TDRD12: variants seen among roughly 807,000 people sequenced by gnomAD.
The protein encoded by TDRD12 is putative ATP-dependent RNA helicase TDRD12.
Under a neutral mutation model 133.5 loss-of-function variants are expected in TDRD12, and 158 were observed. That is an observed-to-expected ratio of 1.18 (90% CI 1.04 to 1.35). The LOEUF is 1.35. TDRD12 is among the 40% of genes most tolerant of loss of function. The pLI, the probability that TDRD12 is intolerant of heterozygous loss-of-function variation, is 0.00. For missense variants in TDRD12, 1,443 were observed against 1,321.3 expected (o/e 1.09, Z -1.43); for synonymous variants, 460 against 477.9 (o/e 0.96, Z 0.49).
At chr19:32,808,090 G>A (rs1221435344) in intron 22 of TDRD12, among the ~76,000 whole-genome samples, 3 of 152,128 alleles carry the variant, frequency 2.0e-5, no homozygotes, top group Admixed American at 2.0e-4. Flanking sequence ...TAATGATACA[G>A]TGATTACATG....
rs147869213 is a variant in TDRD12, at chr19:32,783,306, C to G, written c.1121+6077C>G. Among the ~76,000 whole-genome samples the G allele has an allele frequency of 7.2e-3, 1,097 of 152,252 alleles. 18 individuals carry two copies. Among genetic ancestry groups the G allele is most frequent in the Non-Finnish European group, 6.9e-3 (470 of 68,010 alleles). ...TGGCGTTATTTCTGAGGCCTGTGTT[C>G]TGTTCCATTGGTCTATATATCTGTT... On this transcript the variant is annotated intron_variant, in intron 11 of 27. Coordinates refer to ENST00000444215, the Ensembl canonical transcript of TDRD12.
Position 32,794,613 on chromosome 19 carries a change from G to A in TDRD12, c.1288-15G>A. On this transcript the variant is annotated splice_polypyrimidine_tract_variant and intron_variant, in intron 13 of 27. Transcript: ENST00000444215. Reference sequence around the variant, plus strand: ...CTCTACCTTATTTTGGTTTCTGGTTGTTTCTGTTTTGTAGGCTCTTCAAAG... The same window carrying A: ...CTCTACCTTATTTTGGTTTCTGGTTATTTCTGTTTTGTAGGCTCTTCAAAG... 4.3e-6 allele frequency: 3 copies of A among 698,690 alleles called. No individual in the cohort carries two copies. Among genetic ancestry groups the A allele is most frequent in the Non-Finnish European group, 7.8e-6 (3 of 382,708 alleles). The allele number at this position is 698,690 out of a possible 1,614,324, so 43.3% of individuals were successfully genotyped here. A position where few individuals can be genotyped will look rare whatever the true frequency, so the allele number is the denominator to read the frequency against.
At chr19:32,729,286 C>T (rs1367976735) in intron 1 of TDRD12, among the ~76,000 whole-genome samples, 1 of 144,302 alleles carries the variant, frequency 6.9e-6, no homozygotes, top group Non-Finnish European at 1.5e-5. Flanking sequence ...GGCGCAATCT[C>T]GGCTCACTGC....
intron 10 of TDRD12, among the ~76,000 whole-genome samples, chr19:32,774,108 T>C (rs1418342038): frequency 6.6e-6 from 1 of 152,236 alleles, no homozygotes; most frequent in East Asian, 1.9e-4. Context: ...TCAAGATACA[T>C]GTCAGTGACG....
chr19:32,755,002 T>C (rs1322469078), intron 6 of TDRD12, among the ~76,000 whole-genome samples: 1 of 152,218 alleles, frequency 6.6e-6, no homozygotes, highest in East Asian at 1.9e-4. Flanking sequence ...AGCAATCCTT[T>C]ACCAGCTCCC....
intron 3 of TDRD12, among the ~76,000 whole-genome samples, chr19:32,742,307 C>G (rs1220401852): frequency 6.6e-6 from 1 of 152,036 alleles, no homozygotes; most frequent in East Asian, 1.9e-4. Context: ...TAGGAGTGCA[C>G]CACCACGCCC....
chr19:32,763,439 G>T (rs1970206932), intron 8 of TDRD12, among the ~76,000 whole-genome samples: 1 of 152,100 alleles, frequency 6.6e-6, no homozygotes, highest in African/African-American at 2.4e-5. Flanking sequence ...GGACTGAGTT[G>T]TGTTATTTTC....
intron 8 of TDRD12, among the ~76,000 whole-genome samples, chr19:32,771,930 A>G (rs943042024): frequency 1.3e-5 from 2 of 152,138 alleles, no homozygotes; most frequent in African/African-American, 4.8e-5. Flanking sequence ...TGTTCCTTTT[A>G]TTAATAGTAG....
At chr19:32,820,548 G>GT (rs1967343802) in intron 27 of TDRD12, among the ~76,000 whole-genome samples, 2 of 152,204 alleles carry the variant, frequency 1.3e-5, no homozygotes. Context: ...GTTGAATTTA[G>GT]TACGTTCCCA....
intron 26 of TDRD12, among the ~76,000 whole-genome samples, chr19:32,816,574 G>T (rs1967188624): frequency 6.6e-6 from 1 of 152,268 alleles, no homozygotes; most frequent in African/African-American, 2.4e-5. Flanking sequence ...GGTACTTCAG[G>T]TAATGGCGCT....
At chr19:32,752,716 CTT>C (rs1485563570) in intron 6 of TDRD12, among the ~76,000 whole-genome samples, 1 of 151,458 alleles carries the variant, frequency 6.6e-6, no homozygotes, top group Non-Finnish European at 1.5e-5. Context: ...CTTGAACACT[CTT>C]TACTCTCTGA....
At chr19:32,822,363 C>T (rs1410832258), downstream of TDRD12, among the ~76,000 whole-genome samples, 3 of 152,164 alleles carry the variant, frequency 2.0e-5, no homozygotes, top group East Asian at 3.8e-4. Context: ...ATCCAGGAGG[C>T]GGAGGTTGCA....
At chr19:32,787,379 G>T (rs1293413969) in intron 11 of TDRD12, among the ~76,000 whole-genome samples, 1 of 152,206 alleles carries the variant, frequency 6.6e-6, no homozygotes, top group Non-Finnish European at 1.5e-5. Flanking sequence ...ACATGAGTCA[G>T]AGACCCACTT....
At chr19:32,729,980 C>T (rs1364053865) in intron 1 of TDRD12, among the ~76,000 whole-genome samples, 2 of 151,494 alleles carry the variant, frequency 1.3e-5, no homozygotes, top group Non-Finnish European at 2.9e-5. Context: ...TTAGTAGAGA[C>T]GGAGTTTCAT....
At chr19:32,773,748 T>C (rs1223454207) in intron 10 of TDRD12, among the ~76,000 whole-genome samples, 1 of 151,700 alleles carries the variant, frequency 6.6e-6, no homozygotes, top group African/African-American at 2.4e-5. Context: ...GACTTAAGAG[T>C]GATGTTGTCT....
At chr19:32,773,392 C>A in intron 9 of TDRD12, 64 bp from the exon 10 acceptor site, 2 of 1,428,706 alleles carry the variant, frequency 1.4e-6, no homozygotes, top group Non-Finnish European at 1.9e-6. Flanking sequence ...ATTTTGGTTC[C>A]AAAAGAATGT....
At chr19:32,807,070 A>G (rs1971571677) in intron 21 of TDRD12, among the ~76,000 whole-genome samples, 3 of 152,162 alleles carry the variant, frequency 2.0e-5, no homozygotes, top group Admixed American at 2.0e-4. Flanking sequence ...TTTGTTGTGT[A>G]TTATGGCAAT....
chr19:32,821,377 T>A (rs1967383451), downstream of TDRD12: 1 of 246,412 alleles, frequency 4.1e-6, no homozygotes, highest in Non-Finnish European at 6.9e-6. Context: ...AGAGTGTGTG[T>A]GTGTGTGTGT....
intron 6 of TDRD12, among the ~76,000 whole-genome samples, chr19:32,755,192 A>T (rs182300447): frequency 1.3e-5 from 2 of 152,374 alleles, no homozygotes; most frequent in East Asian, 3.9e-4. Context: ...GGTTGTGGCC[A>T]TAGGCCCCTT....
Sources: allele counts gnomAD v4.1 joint callset (sites outside exome capture counted in the v4.1 genomes callset), GRCh38; gene constraint gnomAD v4.1.1; transcripts MANE v1.5; gene names NCBI Gene and HGNC (gene_info 2026-07-23, HGNC 2026-07-21).